Variants in ATP1B4 observed in about 807,000 individuals in gnomAD.
ATP1B4 encodes protein ATP1B4.
Under a neutral mutation model 29.6 loss-of-function variants are expected in ATP1B4, and 32 were observed. The observed-to-expected ratio is 1.08, with a 90% CI of 0.82 to 1.45. The LOEUF is 1.45. ATP1B4 is among the 40% of genes most tolerant of loss of function. The probability of loss-of-function intolerance (pLI) is 0.00; values close to 1 mark genes in which losing one functional copy is unlikely to be tolerated. For synonymous variants in ATP1B4, 127 were observed against 102.1 expected, an observed-to-expected ratio of 1.24 and a Z score of -1.47; for missense variants, 323 against 276.2, an observed-to-expected ratio of 1.17 and a Z score of -1.20.
intron 4 of ATP1B4, 142 bp downstream of exon 4, chrX:120,371,352 T>C (rs1242670956): frequency 6.5e-6 from 3 of 464,533 alleles, no homozygotes; most frequent in Non-Finnish European, 1.1e-5. Flanking sequence ...GCATCCCCCT[T>C]AGCACCTGTA....
chrX:120,371,061 T>C lies in ATP1B4; in HGVS notation c.458-45T>C, dbSNP rs753571109. The C allele has an allele frequency of 2.7e-6, 3 of 1,116,099 alleles. No individual in the cohort carries two copies. The Admixed American group carries it at 6.7e-5, about 25-fold the overall frequency. 92.0% of individuals were successfully genotyped at this position (1,116,099 alleles called of 1,213,427 possible). A position where few individuals can be genotyped will look rare whatever the true frequency, so the allele number is the denominator to read the frequency against. ...CATGGGAATCAATACAAAAAAATTA[T>C]CCCAAGAATGGGTTAATATATCCAA... On this transcript the variant is annotated intron_variant, in intron 3 of 7. Coordinates refer to ENST00000218008, the MANE Select transcript of ATP1B4 (RefSeq NM_001142447.3).
intron 1 of ATP1B4, 106 bp downstream of exon 1, chrX:120,362,337 C>G: frequency 5.2e-6 from 4 of 764,936 alleles, no homozygotes; most frequent in Non-Finnish European, 6.0e-6. Context: ...CTCTTTGAGA[C>G]GGGCAGAAAC....
chrX:120,374,669 TATATATATTATATACCCTTATATATA>T (rs2058335929), intron 4 of ATP1B4, among the ~76,000 whole-genome samples: 1 of 51,891 alleles, frequency 1.9e-5, no homozygotes, highest in African/African-American at 7.2e-5. Flanking sequence ...TAATATATAA[TATATATATTATATACCCTTATATATA>T]ATATATATAT....
At chrX:120,366,478 T>A (rs769240827) in intron 1 of ATP1B4, 47 bp from the exon 2 acceptor site, 3 of 1,169,862 alleles carry the variant, frequency 2.6e-6, no homozygotes, top group Non-Finnish European at 3.4e-6. Context: ...GATGCACCAT[T>A]GTACATTTTT....
chrX:120,372,492 C>T (rs1489856941), intron 4 of ATP1B4, among the ~76,000 whole-genome samples: 2 of 111,878 alleles, frequency 1.8e-5, no homozygotes. Context: ...GGGGGAGTAG[C>T]TTGATCAAAG....
At chrX:120,375,173 C>A (rs757207534) in intron 4 of ATP1B4, among the ~76,000 whole-genome samples, 199 bp from the exon 5 acceptor site, 1 of 109,861 alleles carries the variant, frequency 9.1e-6, no homozygotes, top group African/African-American at 3.3e-5. Flanking sequence ...AGTGACTAGT[C>A]AGGAAGACTT....
Position 120,375,578 on chromosome X carries a change from C to T in ATP1B4, c.759+10C>T, listed in dbSNP as rs2058349486. ...TCTAAAGATGAACCGGGTATATTGG[C>T]TTTTCATATCTGGTGGTGATAAGCG... is the stretch of plus-strand genomic sequence containing the variant. On this transcript the variant is annotated intron_variant, in intron 5 of 7. Transcript: ENST00000218008. 1 of 1,186,697 alleles carries T rather than the reference C, an allele frequency of 8.4e-7. No homozygotes were observed. The highest frequency in any genetic ancestry group is 1.1e-6 in the Non-Finnish European group (1 of 878,369).
intron 6 of ATP1B4, among the ~76,000 whole-genome samples, 173 bp downstream of exon 6, chrX:120,376,609 T>C (rs1431949248): frequency 8.9e-6 from 1 of 111,954 alleles, no homozygotes. Context: ...AAGCATTCAA[T>C]TCATGTGTGT....
intron 4 of ATP1B4, among the ~76,000 whole-genome samples, chrX:120,374,633 T>C: frequency 2.7e-5 from 1 of 36,916 alleles, no homozygotes; most frequent in African/African-American, 1.3e-4. Flanking sequence ...ATATATAATA[T>C]AATATTATAT....
At chrX:120,371,912 C>T (rs1484356921) in intron 4 of ATP1B4, among the ~76,000 whole-genome samples, 3 of 112,713 alleles carry the variant, frequency 2.7e-5, no homozygotes, top group Non-Finnish European at 5.6e-5. Context: ...TTGTGATCCA[C>T]GTGCCTTGGC....
intron 4 of ATP1B4, among the ~76,000 whole-genome samples, chrX:120,373,914 C>T (rs762789895): frequency 2.3e-4 from 25 of 109,923 alleles, no homozygotes; most frequent in Non-Finnish European, 4.2e-4. Context: ...TCCTCCTGCT[C>T]CACCTCCTTC....
chrX:120,377,342 A>T lies in ATP1B4; in HGVS notation c.816+906A>T, dbSNP rs924419167. ...TGAAATCAAGACAATCAAGTATTAC[A>T]TGTGCTGTGAAAAGTGAAGATGAGC... On this transcript the variant is annotated intron_variant, in intron 6 of 7. Transcript: ENST00000218008. Among the ~76,000 whole-genome samples the T allele has an allele frequency of 2.7e-5, 3 of 112,496 alleles. No individual in the cohort carries two copies. The Admixed American group carries it at 2.8e-4, about 11-fold the overall frequency.
In ATP1B4 at chrX:120,376,414, T is replaced by A; in HGVS notation, c.794T>A (p.Val265Glu). Reference sequence around the variant, plus strand: ...TTTCGTCCTGAGCTTGGAGATCCTGTGAAGGTTTCCTGCAAAGTTCAGGTA... The same window carrying A: ...TTTCGTCCTGAGCTTGGAGATCCTGAGAAGGTTTCCTGCAAAGTTCAGGTA... ...VGFRPELGDP[V>E]KVSCKVQRGD... The change falls in exon 6 of 8, where the codon GTG becomes GAG. Residue 265 changes from valine (V) to glutamate (E), a missense_variant. Physicochemically the swap from Val to Glu is moderately radical, Grantham distance 121 (BLOSUM62 -2). Coordinates refer to ENST00000218008, the MANE Select transcript of ATP1B4 (RefSeq NM_001142447.3). The A allele has an allele frequency of 8.3e-7, 1 of 1,210,791 alleles. No individual in the cohort carries two copies. Among genetic ancestry groups the A allele is most frequent in the Non-Finnish European group, 1.1e-6 (1 of 894,533 alleles).
chrX:120,372,846 G>A (rs947495775), intron 4 of ATP1B4, among the ~76,000 whole-genome samples: 2 of 112,103 alleles, frequency 1.8e-5, no homozygotes, highest in African/African-American at 3.2e-5. Context: ...GAGGGGAGAC[G>A]GGACTGGGTT....
intron 1 of ATP1B4, among the ~76,000 whole-genome samples, chrX:120,365,012 C>T (rs968974543): frequency 8.9e-6 from 1 of 112,017 alleles, no homozygotes; most frequent in East Asian, 2.8e-4. Context: ...GCCCTAAAAT[C>T]GTTTAGGAAC....
Position 120,362,231 on chromosome X carries a change from C to G in ATP1B4, c.63C>G (p.Leu21=), listed in dbSNP as rs377759056. 134 of 1,207,325 alleles carry G rather than the reference C, an allele frequency of 1.1e-4. No homozygotes were observed. The highest frequency in any genetic ancestry group is 1.4e-4 in the Non-Finnish European group (124 of 893,036). The change falls in exon 1 of 8, where the codon CTC becomes CTG. Residue 21 remains leucine, a splice_region_variant and synonymous_variant. Coordinates refer to ENST00000218008, the MANE Select transcript of ATP1B4 (RefSeq NM_001142447.3). ...TTCCTTACAGTTATCGCTACAGACT[C>G]GTGAGTGCCAGAGAGCAGAATATTT... is the stretch of plus-strand genomic sequence containing the variant. ...PSFPYSYRYR[L]DDPDEANQNY...
chrX:120,379,617 C>T lies in ATP1B4; in HGVS notation c.1057C>T (p.Leu353=), dbSNP rs2147258616. 2 of 1,206,054 alleles carry T rather than the reference C, an allele frequency of 1.7e-6. No homozygotes were observed. Among genetic ancestry groups the T allele is most frequent in the Non-Finnish European group, 2.2e-6 (2 of 893,586 alleles). The part of the protein sequence containing the change: ...DRFVGRVIFT[L]NIET ...TTTTGTGGGCAGGGTAATCTTTACC[C>T]TGAACATAGAAACTTAAGAACTTCA... The change falls in exon 8 of 8, where the codon CTG becomes TTG. Residue 353 remains leucine (L), a synonymous_variant. Coordinates refer to ENST00000218008, the MANE Select transcript of ATP1B4 (RefSeq NM_001142447.3).
rs1229337559 is a variant in ATP1B4, at chrX:120,381,560, C to G, written c.*1926C>G. 8.9e-6 allele frequency: 1 copy of G among 111,884 alleles called. No individual in the cohort carries two copies. The highest frequency in any genetic ancestry group is 3.3e-5 in the African/African-American group (1 of 30,703). 9.2% of individuals were successfully genotyped at this position (111,884 alleles called of 1,213,427 possible). Reference sequence around the variant, plus strand: ...CCACCTCCCGGATTCAAGTGATTCTCCAGCCTCAGCCTCCTGAGTAGCTGG... The same window carrying G: ...CCACCTCCCGGATTCAAGTGATTCTGCAGCCTCAGCCTCCTGAGTAGCTGG... On this transcript the variant is annotated 3_prime_UTR_variant, in exon 8 of 8. Transcript: ENST00000218008.
intron 4 of ATP1B4, 44 bp from the exon 5 acceptor site, chrX:120,375,328 A>G: frequency 8.8e-7 from 1 of 1,132,263 alleles, no homozygotes; most frequent in Non-Finnish European, 1.2e-6. Context: ...CTTCCCCTGT[A>G]GCACCTGTCT....
Sources: gnomAD v4.1 joint callset for allele counts (sites outside exome capture counted in the v4.1 genomes callset) on GRCh38, gnomAD v4.1.1 for gene constraint, MANE v1.5 for transcripts, NCBI Gene and HGNC (gene_info 2026-07-23, HGNC 2026-07-21) for gene names.